The following ZNF560 variants were observed in gnomAD, a reference collection of about 807,000 sequenced individuals.
ZNF560 encodes the protein zinc finger protein 560.
Under a neutral mutation model 81.8 loss-of-function variants are expected in ZNF560, and 54 were observed. The ratio of observed to expected loss-of-function variants is 0.66; its 90% CI spans 0.53 to 0.83. The LOEUF is 0.83. ZNF560 is among the 40% of genes least tolerant of loss of function. The probability of loss-of-function intolerance (pLI) is 0.00; values close to 1 mark genes in which losing one functional copy is unlikely to be tolerated. For synonymous variants in ZNF560, 321 were observed against 317.9 expected (o/e 1.01, Z -0.10); for missense variants, 940 against 932.4 (o/e 1.01, Z -0.11).
chr19:9,490,755 G>C (rs1419956250), intron 2 of ZNF560, among the ~76,000 whole-genome samples: 3 of 152,142 alleles, frequency 2.0e-5, no homozygotes. Context: ...CTTGATCTAT[G>C]TAACAAGAAG....
the ZNF560 span, among the ~76,000 whole-genome samples, chr19:9,506,474 A>G: frequency 2.6e-5 from 4 of 150,976 alleles, no homozygotes. Flanking sequence ...ATACACTTAT[A>G]ATTTTTATTG....
At chr19:9,455,717 T>A in the ZNF560 span, among the ~76,000 whole-genome samples, 6 of 152,188 alleles carry the variant, frequency 3.9e-5, no homozygotes. Context: ...ACAATGCTAA[T>A]CCCAAGTGCC....
chr19:9,456,328 C>T, the ZNF560 span, among the ~76,000 whole-genome samples: 1 of 152,170 alleles, frequency 6.6e-6, no homozygotes, highest in Non-Finnish European at 1.5e-5. Context: ...AGTGCAGGTT[C>T]ATACAGGAGT....
chr19:9,482,834 C>G (rs927270459), intron 2 of ZNF560, among the ~76,000 whole-genome samples: 1 of 151,890 alleles, frequency 6.6e-6, no homozygotes, highest in East Asian at 1.9e-4. Context: ...GACTGGTTTT[C>G]GTATTTTTTT....
At chr19:9,449,974 CA>C in the ZNF560 span, among the ~76,000 whole-genome samples, 323 of 43,370 alleles carry the variant, frequency 7.4e-3, 4 homozygotes, top group South Asian at 0.042. Flanking sequence ...AACTCTGTCT[CA>C]AAAAAAAAAA....
chr19:9,470,073 T>C (rs2144689400), intron 7 of ZNF560, among the ~76,000 whole-genome samples: 1 of 152,342 alleles, frequency 6.6e-6, no homozygotes, highest in East Asian at 1.9e-4. Flanking sequence ...CCAGTAGTTC[T>C]GAACTTTAGA....
chr19:9,502,241 C>A (rs2073639171), upstream of ZNF560, among the ~76,000 whole-genome samples: 1 of 151,822 alleles, frequency 6.6e-6, no homozygotes, highest in African/African-American at 2.4e-5. Context: ...GAGACAGAGT[C>A]TCGCTCTGTT....
chr19:9,506,675 GTTTA>G, the ZNF560 span, among the ~76,000 whole-genome samples: 7 of 151,456 alleles, frequency 4.6e-5, no homozygotes, highest in Non-Finnish European at 8.8e-5. Flanking sequence ...ATGTTTATTT[GTTTA>G]TTTATTTATT....
chr19:9,464,065 AAAC>A (rs1367578763), downstream of ZNF560, among the ~76,000 whole-genome samples: 3 of 152,328 alleles, frequency 2.0e-5, no homozygotes, highest in South Asian at 2.1e-4. Flanking sequence ...AATCACCAAG[AAAC>A]AACAGCCTTA....
At chr19:9,468,725 CTT>C (rs3068756) in intron 9 of ZNF560, among the ~76,000 whole-genome samples, 11,867 of 122,652 alleles carry the variant, frequency 0.097, 367 homozygotes, top group South Asian at 0.19. Context: ...CTGCTGATTT[CTT>C]TTTTTTTTTT....
chr19:9,499,043 A>G (rs1051373748), upstream of ZNF560, among the ~76,000 whole-genome samples: 1 of 152,202 alleles, frequency 6.6e-6, no homozygotes, highest in African/African-American at 2.4e-5. Flanking sequence ...ACGTCTTTAG[A>G]ACTTTATTTT....
downstream of ZNF560, among the ~76,000 whole-genome samples, chr19:9,461,773 T>C (rs1486025527): frequency 1.3e-5 from 2 of 152,026 alleles, no homozygotes; most frequent in African/African-American, 2.4e-5. Flanking sequence ...AATTAGACCA[T>C]GAATGGGAAA....
At position 9,469,685 on chromosome 19, in the gene ZNF560, C is replaced by A; in HGVS notation, c.474G>T (p.Leu158=). ...SVGYQLFKPS[L]ISWLEEEEEL... is the part of the protein sequence containing the mutation. ...CTTCCTCTTCCTCCAGCCAAGAGAT[C>A]AGACTGGGTTTGAAGAGCTGGTAAC... Residue 158 remains leucine, a synonymous_variant, in exon 8 of 10, where the codon CTG becomes CTT. Transcript: ENST00000301480. 1.2e-6 allele frequency: 2 copies of A among 1,614,172 alleles called. No individual in the cohort carries two copies. The highest frequency in any genetic ancestry group is 1.7e-6 in the Non-Finnish European group (2 of 1,180,036).
At chr19:9,485,433 G>A (rs376674192) in intron 2 of ZNF560, among the ~76,000 whole-genome samples, 3 of 149,952 alleles carry the variant, frequency 2.0e-5, no homozygotes, top group South Asian at 4.2e-4. Context: ...ATATGATCTT[G>A]TCAACAGATG....
the ZNF560 span, among the ~76,000 whole-genome samples, chr19:9,456,070 C>T: frequency 2.0e-5 from 3 of 152,334 alleles, no homozygotes; most frequent in South Asian, 2.1e-4. Flanking sequence ...TTTCGAGAAA[C>T]GCCATGAGGG....
At chr19:9,499,443 C>T (rs1360308516), upstream of ZNF560, among the ~76,000 whole-genome samples, 1 of 152,256 alleles carries the variant, frequency 6.6e-6, no homozygotes, top group African/African-American at 2.4e-5. Flanking sequence ...GATCTGCCCG[C>T]CCTGCACTCC....
At chr19:9,452,678 T>C in the ZNF560 span, among the ~76,000 whole-genome samples, 1 of 152,168 alleles carries the variant, frequency 6.6e-6, no homozygotes, top group Admixed American at 6.6e-5. Context: ...CATGTTCTCA[T>C]TTGTGAGAGC....
chr19:9,450,433 T>C, the ZNF560 span, among the ~76,000 whole-genome samples: 1 of 152,222 alleles, frequency 6.6e-6, no homozygotes, highest in Non-Finnish European at 1.5e-5. Context: ...TATGAGTCTG[T>C]ACATAGAAAA....
rs1248693449 is a variant in ZNF560 at position 9,475,266 on chromosome 19, T to G, written c.30+18A>C. 2.5e-6 allele frequency: 4 copies of G among 1,613,342 alleles called. No homozygotes were observed. The highest frequency in any genetic ancestry group is 3.4e-6 in the Non-Finnish European group (4 of 1,179,720). On this transcript the variant is annotated intron_variant, in intron 3 of 9. Transcript: ENST00000301480. ...ATGCAAGTATGTCATTTTGTGGAAG[T>G]ATACATTTTCTGCATACCTGATAAC...
Sources: gnomAD v4.1 joint callset for allele counts (sites outside exome capture counted in the v4.1 genomes callset) on GRCh38, gnomAD v4.1.1 for gene constraint, MANE v1.5 for transcripts, NCBI Gene and HGNC (gene_info 2026-07-23, HGNC 2026-07-21) for gene names.